ENPEP: variants seen among roughly 807,000 people sequenced by gnomAD.
ENPEP encodes AP-A.
Under a neutral mutation model 114.5 loss-of-function variants are expected in ENPEP, and 103 were observed. The ratio of observed to expected loss-of-function variants is 0.90; its 90% CI spans 0.77 to 1.06. The LOEUF is 1.06. Among genes scored for constraint, ENPEP ranks in the 50% least tolerant of loss-of-function variants. The probability of loss-of-function intolerance (pLI) is 0.00; values close to 1 mark genes in which losing one functional copy is unlikely to be tolerated. For synonymous variants in ENPEP, 420 were observed against 422.0 expected (o/e 1.00, Z 0.06); for missense variants, 1,196 against 1,161.3 (o/e 1.03, Z -0.43).
At chr4:110,507,971 T>A (rs943640945) in intron 4 of ENPEP, among the ~76,000 whole-genome samples, 1 of 152,186 alleles carries the variant, frequency 6.6e-6, no homozygotes, top group East Asian at 1.9e-4. Flanking sequence ...CATCTCAATT[T>A]AAAAATATCA....
chr4:110,543,316 G>C (rs1367520926), intron 13 of ENPEP, among the ~76,000 whole-genome samples: 1 of 152,048 alleles, frequency 6.6e-6, no homozygotes, highest in Non-Finnish European at 1.5e-5. Context: ...TTTGAGTATG[G>C]TTTGTCTATA....
intron 3 of ENPEP, among the ~76,000 whole-genome samples, chr4:110,503,699 C>T (rs746694336): frequency 1.3e-5 from 2 of 152,178 alleles, no homozygotes; most frequent in Non-Finnish European, 2.9e-5. Flanking sequence ...ACTGTGGTGG[C>T]TGATGTTCCC....
intron 11 of ENPEP, among the ~76,000 whole-genome samples, chr4:110,539,938 A>G (rs1039074529): frequency 1.3e-5 from 2 of 152,130 alleles, no homozygotes; most frequent in Non-Finnish European, 1.5e-5. Flanking sequence ...ACTGAAATCT[A>G]TCAGGGTTGA....
chr4:110,524,619 A>G (rs1726128231), intron 10 of ENPEP, among the ~76,000 whole-genome samples: 1 of 152,180 alleles, frequency 6.6e-6, no homozygotes, highest in Non-Finnish European at 1.5e-5. Context: ...TTTCTTGCAC[A>G]TTTTCATTAT....
chr4:110,558,841 C>G (rs2110404055), intron 18 of ENPEP, among the ~76,000 whole-genome samples: 1 of 152,248 alleles, frequency 6.6e-6, no homozygotes, highest in Middle Eastern at 3.4e-3. Context: ...CTTTAAAATT[C>G]TGTCTTGGAA....
At chr4:110,483,097 AAAAC>A (rs1200596966) in intron 1 of ENPEP, among the ~76,000 whole-genome samples, 2 of 152,216 alleles carry the variant, frequency 1.3e-5, no homozygotes, top group African/African-American at 2.4e-5. Context: ...TGGAAGCAAG[AAAAC>A]AAAAAGAAAT....
chr4:110,548,118 GT>G, intron 13 of ENPEP, 57 bp from the exon 14 acceptor site: 2 of 1,352,944 alleles, frequency 1.5e-6, no homozygotes, highest in East Asian at 2.8e-5. Context: ...ACTAAAGTCT[GT>G]GGTTTTTAAT....
At chr4:110,500,790 A>G (rs1725125267) in intron 3 of ENPEP, among the ~76,000 whole-genome samples, 2 of 152,198 alleles carry the variant, frequency 1.3e-5, no homozygotes. Flanking sequence ...AATAATGATG[A>G]CGAGTCAGGG....
chr4:110,540,792 AC>A (rs1726818803), intron 11 of ENPEP, among the ~76,000 whole-genome samples: 1 of 152,138 alleles, frequency 6.6e-6, no homozygotes, highest in East Asian at 1.9e-4. Context: ...GGGGATAGCT[AC>A]CATCTGTTGG....
intron 8 of ENPEP, chr4:110,515,730 T>C: frequency 2.0e-6 from 1 of 512,656 alleles, no homozygotes. Flanking sequence ...CATAAGGAAA[T>C]ACCATAGACT....
chr4:110,550,430 GAA>G (rs1727244685), intron 17 of ENPEP, among the ~76,000 whole-genome samples: 1 of 151,928 alleles, frequency 6.6e-6, no homozygotes, highest in Non-Finnish European at 1.5e-5. Flanking sequence ...GAGCCAATTA[GAA>G]TTATCTGGGA....
In ENPEP at chr4:110,562,941, C is replaced by G. The variant is rs181808917; in HGVS notation, c.*1383C>G. ...CAATAATGTGCCCTAATCATGTACT[C>G]TGAAACTTTATAAACTTTCCTGTTG... On this transcript the variant is annotated 3_prime_UTR_variant, in exon 20 of 20. Transcript: ENST00000265162. 9 of 152,270 alleles carry G rather than the reference C, an allele frequency of 5.9e-5. No homozygotes were observed. The highest frequency in any genetic ancestry group is 5.9e-4 in the Admixed American group (9 of 15,290). 9.4% of individuals were successfully genotyped at this position (152,270 alleles called of 1,614,324 possible). A position where few individuals can be genotyped will look rare whatever the true frequency, so the allele number is the denominator to read the frequency against.
intron 13 of ENPEP, among the ~76,000 whole-genome samples, chr4:110,545,817 T>C (rs1651719634): frequency 6.6e-6 from 1 of 151,970 alleles, no homozygotes. Flanking sequence ...CATAGGAGGT[T>C]GTCATGTATG....
At chr4:110,489,222 A>AG (rs1483495625) in intron 2 of ENPEP, among the ~76,000 whole-genome samples, 1 of 151,980 alleles carries the variant, frequency 6.6e-6, no homozygotes, top group African/African-American at 2.4e-5. Context: ...AAAAAAAAAA[A>AG]CAGGCTATAA....
chr4:110,534,858 T>C (rs982444999), intron 11 of ENPEP, among the ~76,000 whole-genome samples: 2 of 152,020 alleles, frequency 1.3e-5, no homozygotes, highest in Non-Finnish European at 2.9e-5. Flanking sequence ...TGACACAAAC[T>C]ACACATATTT....
intron 3 of ENPEP, among the ~76,000 whole-genome samples, chr4:110,495,908 C>T (rs1451977785): frequency 2.0e-5 from 3 of 152,142 alleles, no homozygotes; most frequent in Non-Finnish European, 2.9e-5. Context: ...GTCAAGTTTT[C>T]CTTGGCTTTC....
intron 3 of ENPEP, among the ~76,000 whole-genome samples, chr4:110,491,684 A>G (rs186779344): frequency 6.6e-6 from 1 of 151,832 alleles, no homozygotes; most frequent in African/African-American, 2.4e-5. Context: ...TTTTAAAAAT[A>G]TCAAGACGAC....
At position 110,486,258 on chromosome 4, in the gene ENPEP, C is replaced by T. The variant is rs963525382; in HGVS notation, c.645-2283C>T. 2.6e-5 allele frequency among the ~76,000 whole-genome samples: 4 copies of T among 152,192 alleles called. No individual in the cohort carries two copies. The East Asian group carries it at 5.8e-4, about 22-fold the overall frequency. ...TGTTTATTGTGATGTTCCAATACTC[C>T]CATAATTTGCCAAAGGCAGTCAAAT... On this transcript the variant is annotated intron_variant, in intron 1 of 19. Transcript: ENST00000265162.
intron 6 of ENPEP, chr4:110,512,757 A>T (rs1376088439): frequency 1.3e-5 from 2 of 152,242 alleles, no homozygotes; most frequent in African/African-American, 4.8e-5. Context: ...AGTTCCAAAA[A>T]GTACAGGCCA....
Sources: allele counts gnomAD v4.1 joint callset (sites outside exome capture counted in the v4.1 genomes callset), GRCh38; gene constraint gnomAD v4.1.1; transcripts MANE v1.5; gene names NCBI Gene and HGNC (gene_info 2026-07-23, HGNC 2026-07-21).